OLA1: variants seen among roughly 807,000 people sequenced by gnomAD.
The protein encoded by OLA1 is Obg like ATPase 1.
Under a neutral mutation model 48.4 loss-of-function variants are expected in OLA1, and 14 were observed. That is an observed-to-expected ratio of 0.29 (90% CI 0.19 to 0.45). The LOEUF (loss-of-function observed/expected upper bound fraction) is 0.45, where lower values mean the gene tolerates loss of function less well. Ranked by LOEUF, OLA1 falls within the 20% of genes least tolerant of loss-of-function variation. The probability of loss-of-function intolerance (pLI) is 1.00; values close to 1 mark genes in which losing one functional copy is unlikely to be tolerated. For synonymous variants in OLA1, 127 were observed against 150.4 expected, an observed-to-expected ratio of 0.84 and a Z score of 1.14; for missense variants, 325 against 467.1, an observed-to-expected ratio of 0.70 and a Z score of 2.80.
chr2:174,219,780 T>C (rs1688458014), intron 4 of OLA1, among the ~76,000 whole-genome samples: 1 of 152,110 alleles, frequency 6.6e-6, no homozygotes, highest in African/African-American at 2.4e-5. Context: ...AATTGCAAAA[T>C]AAGCTACTGG....
At chr2:174,146,416 C>G (rs748489417) in intron 4 of OLA1, among the ~76,000 whole-genome samples, 11 of 152,158 alleles carry the variant, frequency 7.2e-5, no homozygotes, top group Non-Finnish European at 1.5e-4. Context: ...TGAGTGATAA[C>G]CAGATAAGTG....
chr2:174,095,338 T>TTG (rs1485791515), intron 7 of OLA1, among the ~76,000 whole-genome samples: 4 of 124,776 alleles, frequency 3.2e-5, no homozygotes, highest in Non-Finnish European at 5.4e-5. Context: ...TTTTTTTTTT[T>TTG]TTTTTTTTTT....
intron 4 of OLA1, among the ~76,000 whole-genome samples, chr2:174,206,372 A>AAAAC (rs969671886): frequency 3.3e-5 from 5 of 152,196 alleles, no homozygotes; most frequent in Non-Finnish European, 4.4e-5. Flanking sequence ...ATCTCTTAAA[A>AAAAC]AAACAAACAA....
At chr2:174,120,727 C>G (rs758774541) in intron 7 of OLA1, among the ~76,000 whole-genome samples, 1 of 152,132 alleles carries the variant, frequency 6.6e-6, no homozygotes, top group Non-Finnish European at 1.5e-5. Context: ...TAACACATTA[C>G]CATTTACATT....
chr2:174,114,633 T>G (rs2105361894), intron 7 of OLA1, among the ~76,000 whole-genome samples: 1 of 152,294 alleles, frequency 6.6e-6, no homozygotes, highest in East Asian at 1.9e-4. Context: ...CCATAATACA[T>G]TCTTTTAAAA....
intron 5 of OLA1, among the ~76,000 whole-genome samples, chr2:174,128,006 T>C (rs1686082785): frequency 6.6e-6 from 1 of 151,688 alleles, no homozygotes; most frequent in Non-Finnish European, 1.5e-5. Flanking sequence ...GAGAAAAATA[T>C]AGGACTTGTC....
chr2:174,109,412 A>T (rs1295122015), intron 7 of OLA1, among the ~76,000 whole-genome samples: 1 of 152,202 alleles, frequency 6.6e-6, no homozygotes, highest in Non-Finnish European at 1.5e-5. Context: ...ATAATGTCCC[A>T]TCACATACCA....
chr2:174,233,313 A>T (rs1289003226), intron 2 of OLA1, among the ~76,000 whole-genome samples: 1 of 152,172 alleles, frequency 6.6e-6, no homozygotes, highest in Non-Finnish European at 1.5e-5. Flanking sequence ...TACAACAATG[A>T]ATACAGTTAA....
chr2:174,127,975 G>A (rs954122444), intron 5 of OLA1, among the ~76,000 whole-genome samples: 9 of 151,516 alleles, frequency 5.9e-5, no homozygotes, highest in African/African-American at 1.9e-4. Context: ...CTACTTGCTC[G>A]AGGGTAAAAA....
rs1005209726 is a variant in OLA1, at chr2:174,073,172, A to T, written c.*2254T>A. ...GCCCAGCTAATTTTTGTATATATGT[A>T]TTTTTTTATGTAGAGATGATGTTTC... On this transcript the variant is annotated 3_prime_UTR_variant, in exon 11 of 11. Coordinates refer to ENST00000284719, the MANE Select transcript of OLA1 (RefSeq NM_013341.5). 2 of 151,902 alleles carry T rather than the reference A, an allele frequency of 1.3e-5. No individual in the cohort carries two copies. Among genetic ancestry groups the T allele is most frequent in the African/African-American group, 4.8e-5 (2 of 41,328 alleles). The allele number at this position is 151,902 out of a possible 1,614,324, so 9.4% of individuals were successfully genotyped here. A position where few individuals can be genotyped will look rare whatever the true frequency, so the allele number is the denominator to read the frequency against.
chr2:174,206,003 G>A (rs188238433), intron 4 of OLA1, among the ~76,000 whole-genome samples: 25 of 152,222 alleles, frequency 1.6e-4, no homozygotes, highest in Middle Eastern at 3.4e-3. Context: ...AGTCACTGAC[G>A]TAGGAAAACT....
chr2:174,190,111 A>T (rs1007056377), intron 4 of OLA1, among the ~76,000 whole-genome samples: 6 of 152,190 alleles, frequency 3.9e-5, no homozygotes, highest in African/African-American at 1.4e-4. Flanking sequence ...AAAAATATTG[A>T]ATTGCATTTG....
At chr2:174,224,305 T>A (rs1419773574) in intron 3 of OLA1, among the ~76,000 whole-genome samples, 1 of 152,124 alleles carries the variant, frequency 6.6e-6, no homozygotes, top group Non-Finnish European at 1.5e-5. Context: ...CTATACGGAT[T>A]TTCATTTTGG....
rs150441606 is a variant in OLA1, at chr2:174,239,323, T to C, written c.101+7392A>G. Among the ~76,000 whole-genome samples, 169 of 152,324 alleles carry C rather than the reference T, an allele frequency of 1.1e-3. 1 individual carries two copies. In the South Asian group the frequency reaches 0.014, roughly 12 times the overall value. ...CCTTTCAGTGAAGAAATCTGTCAGA[T>C]ACCAACGAGCAATCAAAGTTAATAT... On this transcript the variant is annotated intron_variant, in intron 2 of 10. Coordinates refer to ENST00000284719, the MANE Select transcript of OLA1 (RefSeq NM_013341.5).
intron 7 of OLA1, 57 bp downstream of exon 7, chr2:174,123,123 T>C: frequency 1.3e-6 from 1 of 768,656 alleles, no homozygotes; most frequent in Non-Finnish European, 2.3e-6. Flanking sequence ...TGTGGGTGTG[T>C]GTTTGTGTGT....
intron 5 of OLA1, among the ~76,000 whole-genome samples, chr2:174,137,674 G>C (rs931736841): frequency 6.6e-6 from 1 of 152,228 alleles, no homozygotes; most frequent in African/African-American, 2.4e-5. Flanking sequence ...GCAGTTTTAT[G>C]TTAGGGCTAT....
At chr2:174,118,507 T>A (rs973450242) in intron 7 of OLA1, among the ~76,000 whole-genome samples, 1 of 152,204 alleles carries the variant, frequency 6.6e-6, no homozygotes, top group African/African-American at 2.4e-5. Flanking sequence ...CATAGATGTG[T>A]GTACATGTAT....
chr2:174,143,416 T>C (rs1038211899), intron 4 of OLA1, among the ~76,000 whole-genome samples: 5 of 152,204 alleles, frequency 3.3e-5, no homozygotes, highest in Admixed American at 6.5e-5. Context: ...AGGCATCTTA[T>C]GCAAATAGCA....
chr2:174,091,664 A>G (rs1271346963), intron 7 of OLA1, among the ~76,000 whole-genome samples: 1 of 151,666 alleles, frequency 6.6e-6, no homozygotes, highest in East Asian at 1.9e-4. Flanking sequence ...GGTGGGCAGA[A>G]CACCTGAGGT....
Sources: allele counts gnomAD v4.1 joint callset (sites outside exome capture counted in the v4.1 genomes callset), GRCh38; gene constraint gnomAD v4.1.1; transcripts MANE v1.5; gene names NCBI Gene and HGNC (gene_info 2026-07-23, HGNC 2026-07-21).